The following NUGGC variants were observed in gnomAD, a reference collection of about 807,000 sequenced individuals.
NUGGC encodes nuclear GTPase SLIP-GC.
Under a neutral mutation model 92.6 loss-of-function variants are expected in NUGGC, and 58 were observed. That is an observed-to-expected ratio of 0.63 (90% CI 0.51 to 0.78). The LOEUF is 0.78. Among genes scored for constraint, NUGGC ranks in the 30% least tolerant of loss-of-function variants. The pLI is 0.00. For missense variants in NUGGC, 925 were observed against 964.6 expected, an observed-to-expected ratio of 0.96 and a Z score of 0.54; for synonymous variants, 376 against 366.4, an observed-to-expected ratio of 1.03 and a Z score of -0.30.
chr8:28,029,248 G>A lies in NUGGC; in HGVS notation c.2154+18C>T, dbSNP rs148595255. On this transcript the variant is annotated intron_variant, in intron 17 of 18. Coordinates refer to ENST00000413272, the MANE Select transcript of NUGGC (RefSeq NM_001010906.2). ...GAGCCTCTCGGGGTCTAGGATCCAG[G>A]ATGTGGGCATAGAGTACCTTCAGCT... The A allele has an allele frequency of 5.2e-4, 828 of 1,598,602 alleles. 3 individuals carry two copies. The African/African-American group carries it at 9.7e-3, about 19-fold the overall frequency.
At chr8:28,070,933 AG>A (rs1162616204) in intron 2 of NUGGC, among the ~76,000 whole-genome samples, 1 of 151,746 alleles carries the variant, frequency 6.6e-6, no homozygotes, top group East Asian at 2.0e-4. Flanking sequence ...TGTAGGCTGC[AG>A]TGGGCTATGA....
At chr8:28,041,666 T>C (rs536466868) in intron 12 of NUGGC, among the ~76,000 whole-genome samples, 19 of 152,270 alleles carry the variant, frequency 1.2e-4, no homozygotes, top group African/African-American at 4.6e-4. Flanking sequence ...CAACAGGAGA[T>C]CTTAAAATCT....
chr8:28,062,693 G>A lies in NUGGC; in HGVS notation c.921+1829C>T, dbSNP rs114294357. On this transcript the variant is annotated intron_variant, in intron 7 of 18. Transcript: ENST00000413272. The stretch of plus-strand genomic sequence containing the variant: ...GTGGGCAGAGAATGGTCCAGCCAGC[G>A]GAAGGCCATAAGGATGCCAGGCTGG... Among the ~76,000 whole-genome samples, 7 of 152,324 alleles carry A rather than the reference G, an allele frequency of 4.6e-5. No individual in the cohort carries two copies. In the East Asian group the frequency reaches 9.6e-4, roughly 21 times the overall value.
chr8:28,023,204 C>A lies in NUGGC; in HGVS notation c.*113G>T. 2.4e-6 allele frequency: 3 copies of A among 1,245,398 alleles called. No homozygotes were observed. Among genetic ancestry groups the A allele is most frequent in the Non-Finnish European group, 3.3e-6 (3 of 912,070 alleles). 77.1% of individuals were successfully genotyped at this position (1,245,398 alleles called of 1,614,324 possible). On this transcript the variant is annotated 3_prime_UTR_variant, in exon 19 of 19. Transcript: ENST00000413272. ...AGTGAGCTGTGATGGTGCCACTGCA[C>A]TCCAGCCTGGGCAACAGAGGTAGAT... is the stretch of plus-strand genomic sequence containing the variant.
At chr8:28,047,095 C>G (rs1809858291) in intron 11 of NUGGC, among the ~76,000 whole-genome samples, 1 of 152,020 alleles carries the variant, frequency 6.6e-6, no homozygotes, top group Non-Finnish European at 1.5e-5. Flanking sequence ...CTCAGCCTCC[C>G]AAGTAGCTGA....
intron 6 of NUGGC, among the ~76,000 whole-genome samples, chr8:28,065,042 A>T (rs1376734947): frequency 6.6e-6 from 1 of 152,300 alleles, no homozygotes; most frequent in Non-Finnish European, 1.5e-5. Flanking sequence ...TAAAATTAAC[A>T]TACTATGTAA....
chr8:28,032,723 G>GAAA (rs61015850), intron 14 of NUGGC, among the ~76,000 whole-genome samples: 4 of 87,808 alleles, frequency 4.6e-5, no homozygotes, highest in Non-Finnish European at 2.4e-5. Flanking sequence ...TCCATCTCAA[G>GAAA]AAAAAAAAAA....
intron 14 of NUGGC, 104 bp from the exon 15 acceptor site, chr8:28,031,485 A>G: frequency 1.8e-6 from 2 of 1,110,986 alleles, no homozygotes; most frequent in Non-Finnish European, 2.6e-6. Context: ...AAGAGAAGGA[A>G]GATGAAATCT....
chr8:28,067,605 C>T lies in NUGGC; in HGVS notation c.620G>A (p.Gly207Glu), dbSNP rs1247712880. 6.2e-7 allele frequency: 1 copy of T among 1,613,950 alleles called. No individual in the cohort carries two copies. The highest frequency in any genetic ancestry group is 8.5e-7 in the Non-Finnish European group (1 of 1,179,846). ...CTCCTCATAGTTCTTACTCTCTGCC[C>T]CATTTCCATAAATCATTTGTAGCTT... The part of the protein sequence containing the change: ...TWKLQMIYGN[G>E]AESKNYEELL... Residue 207 changes from glycine to glutamate, a missense_variant, in exon 6 of 19, where the codon GGG (glycine) becomes GAG (glutamate). By Grantham distance (98) the Gly-to-Glu change is moderately conservative. Transcript: ENST00000413272.
At position 28,067,494 on chromosome 8, in the gene NUGGC, A is replaced by T; in HGVS notation, c.711+20T>A. ...TTGAGACCCAGGATGAAATCAAGGA[A>T]AAAACGAACTTGACGCTACCTCTTC... On this transcript the variant is annotated intron_variant, in intron 6 of 18. Coordinates refer to ENST00000413272, the MANE Select transcript of NUGGC (RefSeq NM_001010906.2). The T allele has an allele frequency of 1.3e-6, 2 of 1,545,748 alleles. No homozygotes were observed. The highest frequency in any genetic ancestry group is 1.8e-6 in the Non-Finnish European group (2 of 1,131,936).
At position 28,074,439 on chromosome 8, in the gene NUGGC, C is replaced by A. The variant is rs757131299; in HGVS notation, c.-29G>T. 6.2e-7 allele frequency: 1 copy of A among 1,612,676 alleles called. No homozygotes were observed. Among genetic ancestry groups the A allele is most frequent in the South Asian group, 1.1e-5 (1 of 90,834 alleles). On this transcript the variant is annotated 5_prime_UTR_variant, in exon 2 of 19. Coordinates refer to ENST00000413272, the MANE Select transcript of NUGGC (RefSeq NM_001010906.2). ...TTGTTACGTGAACTCCTGCTCTTCTCAGTTCAGGAGAACCAGCCTGTGAAG... is the reference window on the plus strand; with the variant it reads ...TTGTTACGTGAACTCCTGCTCTTCTAAGTTCAGGAGAACCAGCCTGTGAAG...
chr8:28,083,112 T>C (rs1392445734), intron 1 of NUGGC, among the ~76,000 whole-genome samples: 1 of 152,188 alleles, frequency 6.6e-6, no homozygotes, highest in African/African-American at 2.4e-5. Context: ...GTGCTGTGCA[T>C]AGCAGCTTCT....
rs1292732216 is a variant in NUGGC at position 28,030,389 on chromosome 8, G to T, written c.1938C>A (p.Asp646Glu). The change falls in exon 16 of 19, where the codon GAC becomes GAA. Residue 646 changes from aspartate to glutamate, a missense_variant. By Grantham distance (45) the Asp-to-Glu change is conservative (BLOSUM62 2). Transcript: ENST00000413272. ...TCCTCCTCTTCCTTCTGAGGATGTGGTCCTCCAGGCCCCCGAGGATGGCAC... is the reference window on the plus strand; with the variant it reads ...TCCTCCTCTTCCTTCTGAGGATGTGTTCCTCCAGGCCCCCGAGGATGGCAC... Reference protein sequence around the residue: ...EISAILGGLEDHILRRKRRIY... With the variant: ...EISAILGGLEEHILRRKRRIY... 1.3e-6 allele frequency: 2 copies of T among 1,576,728 alleles called. No individual in the cohort carries two copies. Among genetic ancestry groups the T allele is most frequent in the Admixed American group, 1.8e-5 (1 of 54,938 alleles).
chr8:28,067,650 G>A lies in NUGGC; in HGVS notation c.575C>T (p.Ala192Val), dbSNP rs1166264328. Reference sequence around the variant, plus strand: ...TAGCTTCCAGGTGGCTTCCTCCACTGCCTCATCCCTGTTCCACGCATCTGC... The same window carrying A: ...TAGCTTCCAGGTGGCTTCCTCCACTACCTCATCCCTGTTCCACGCATCTGC... ...EEADAWNRDE[A>V]VEEATWKLQM... The change falls in exon 6 of 19, where the codon GCA becomes GTA. Residue 192 changes from alanine (A) to valine (V), a missense_variant. Transcript: ENST00000413272. 1 of 1,613,778 alleles carries A rather than the reference G, an allele frequency of 6.2e-7. No individual in the cohort carries two copies. Among genetic ancestry groups the A allele is most frequent in the African/African-American group, 1.3e-5 (1 of 74,934 alleles).
At chr8:28,059,709 CA>C (rs1810243926) in intron 8 of NUGGC, among the ~76,000 whole-genome samples, 1 of 152,064 alleles carries the variant, frequency 6.6e-6, no homozygotes, top group African/African-American at 2.4e-5. Context: ...CTCAGGAGTA[CA>C]AAAACCTGAA....
At chr8:28,029,952 C>T (rs73224741) in intron 16 of NUGGC, among the ~76,000 whole-genome samples, 12,614 of 152,142 alleles carry the variant, frequency 0.083, 560 homozygotes, top group Middle Eastern at 0.17. Flanking sequence ...AACGACAGAG[C>T]CACCAAAACA....
At chr8:28,057,290 G>A (rs984958622) in intron 9 of NUGGC, among the ~76,000 whole-genome samples, 2 of 148,658 alleles carry the variant, frequency 1.3e-5, no homozygotes, top group Non-Finnish European at 3.0e-5. Context: ...ATACGGTGCC[G>A]TATTGTAAAT....
intron 12 of NUGGC, among the ~76,000 whole-genome samples, chr8:28,043,680 G>A (rs778618073): frequency 1.3e-5 from 2 of 152,198 alleles, no homozygotes; most frequent in Admixed American, 6.5e-5. Context: ...AAGAAAACAC[G>A]TGGGGTGGGC....
chr8:28,061,648 G>A (rs1810308388), intron 7 of NUGGC, among the ~76,000 whole-genome samples: 1 of 152,186 alleles, frequency 6.6e-6, no homozygotes, highest in South Asian at 2.1e-4. Flanking sequence ...TGAACAATTG[G>A]TAAGTCCAGT....
Sources: gnomAD v4.1 joint callset for allele counts (sites outside exome capture counted in the v4.1 genomes callset) on GRCh38, gnomAD v4.1.1 for gene constraint, MANE v1.5 for transcripts, NCBI Gene and HGNC (gene_info 2026-07-23, HGNC 2026-07-21) for gene names.